MTFR1: variants seen among roughly 807,000 people sequenced by gnomAD.
MTFR1 encodes the protein chondrocyte protein with a poly-proline region.
MTFR1 carries 28 observed loss-of-function variants against 38.8 expected under a neutral mutation model. The observed-to-expected ratio is 0.72, with a 90% CI of 0.53 to 0.99. The LOEUF is 0.99. Among genes scored for constraint, MTFR1 ranks in the 50% least tolerant of loss-of-function variants. The pLI, the probability that MTFR1 is intolerant of heterozygous loss-of-function variation, is 0.00. For synonymous variants in MTFR1, 145 were observed against 137.0 expected (o/e 1.06, Z -0.41); for missense variants, 358 against 395.5 (o/e 0.91, Z 0.81).
chr8:65,768,358 C>A (rs1042900201), intron 3 of MTFR1, among the ~76,000 whole-genome samples: 1 of 151,996 alleles, frequency 6.6e-6, no homozygotes, highest in African/African-American at 2.4e-5. Context: ...GTGGGAGGGA[C>A]CTGGTAGGAG....
chr8:65,756,055 T>C (rs181068722), intron 3 of MTFR1, among the ~76,000 whole-genome samples: 5 of 152,382 alleles, frequency 3.3e-5, no homozygotes, highest in African/African-American at 1.2e-4. Flanking sequence ...GACAGTTTTT[T>C]GTTTTTGTTT....
downstream of MTFR1, among the ~76,000 whole-genome samples, chr8:65,710,978 CAT>C (rs201983025): frequency 5.7e-3 from 847 of 149,856 alleles, 7 homozygotes; most frequent in African/African-American, 0.018. Flanking sequence ...GAGGGACTCT[CAT>C]ATATATATAT....
downstream of MTFR1, among the ~76,000 whole-genome samples, chr8:65,771,905 A>AAAAAG (rs1809104563): frequency 6.9e-6 from 1 of 145,398 alleles, no homozygotes; most frequent in South Asian, 2.1e-4. Flanking sequence ...AAAAAAAAAA[A>AAAAAG]AAGAAGAAGA....
intron 2 of MTFR1, among the ~76,000 whole-genome samples, chr8:65,717,341 G>T (rs1806181342): frequency 6.6e-6 from 1 of 152,202 alleles, no homozygotes; most frequent in Admixed American, 6.5e-5. Context: ...GAGTGGAGTG[G>T]CCTTTTCTTA....
intron 3 of MTFR1, among the ~76,000 whole-genome samples, chr8:65,753,143 C>G (rs1808047758): frequency 6.6e-6 from 1 of 152,140 alleles, no homozygotes; most frequent in African/African-American, 2.4e-5. Context: ...ATTAAGTGCT[C>G]TCCAGTCATT....
At chr8:65,693,589 T>C in intron 3 of MTFR1, 55 bp from the exon 4 acceptor site, 6 of 1,500,584 alleles carry the variant, frequency 4.0e-6, no homozygotes, top group Non-Finnish European at 5.5e-6. Flanking sequence ...GTAAAAAAAA[T>C]TTAACATTTT....
At chr8:65,691,262 T>C (rs1448664733) in intron 3 of MTFR1, among the ~76,000 whole-genome samples, 1 of 152,134 alleles carries the variant, frequency 6.6e-6, no homozygotes, top group East Asian at 1.9e-4. Flanking sequence ...GGTTTATTTG[T>C]TTTTGTTTTT....
intron 3 of MTFR1, among the ~76,000 whole-genome samples, chr8:65,683,737 CAG>C (rs988687510): frequency 6.6e-6 from 1 of 151,412 alleles, no homozygotes; most frequent in Non-Finnish European, 1.5e-5. Context: ...TTTTTGGAGA[CAG>C]AGTCTTGCCC....
intron 2 of MTFR1, among the ~76,000 whole-genome samples, chr8:65,675,913 G>C (rs977068170): frequency 2.6e-5 from 4 of 152,150 alleles, no homozygotes; most frequent in African/African-American, 9.7e-5. Flanking sequence ...TAAATTGCAG[G>C]AAGTGAGAAT....
Position 65,719,632 on chromosome 8 carries a change from T to C in MTFR1, c.*48+151T>C, listed in dbSNP as rs557524238. 7.0e-5 allele frequency: 45 copies of C among 639,364 alleles called. No individual in the cohort carries two copies. In the African/African-American group the frequency reaches 7.7e-4, roughly 11 times the overall value. 39.6% of individuals were successfully genotyped at this position (639,364 alleles called of 1,614,324 possible). A position where few individuals can be genotyped will look rare whatever the true frequency, so the allele number is the denominator to read the frequency against. Reference sequence around the variant, plus strand: ...TTATTCTTCAAAAGATTCCTGTGTATGTGTAGGTGACAGAGTCTGTAATGT... The same window carrying C: ...TTATTCTTCAAAAGATTCCTGTGTACGTGTAGGTGACAGAGTCTGTAATGT... On this transcript the variant is annotated intron_variant, in intron 3 of 3. Transcript: ENST00000521247.
At chr8:65,691,799 G>A (rs1393007804) in intron 3 of MTFR1, among the ~76,000 whole-genome samples, 3 of 152,106 alleles carry the variant, frequency 2.0e-5, no homozygotes, top group Non-Finnish European at 4.4e-5. Flanking sequence ...ACAGGCGCCT[G>A]CCACCACGCC....
intron 2 of MTFR1, among the ~76,000 whole-genome samples, chr8:65,681,142 G>T (rs1804875367): frequency 6.6e-6 from 1 of 151,784 alleles, no homozygotes; most frequent in Non-Finnish European, 1.5e-5. Context: ...TCGATCTCCT[G>T]ACCTCATGAT....
chr8:65,726,908 G>A, intron 3 of MTFR1: 1 of 1,605,662 alleles, frequency 6.2e-7, no homozygotes, highest in East Asian at 2.2e-5. Flanking sequence ...GAATAAGCCT[G>A]ATTCTCTCAA....
chr8:65,689,582 C>T (rs765299592), intron 3 of MTFR1: 17 of 1,274,996 alleles, frequency 1.3e-5, no homozygotes, highest in Non-Finnish European at 4.1e-6. Context: ...TAGGACAGGA[C>T]CTTGCTGGGA....
chr8:65,776,069 A>C (rs1809251698), downstream of MTFR1, among the ~76,000 whole-genome samples: 1 of 152,206 alleles, frequency 6.6e-6, no homozygotes, highest in Non-Finnish European at 1.5e-5. Flanking sequence ...AATCAATGTT[A>C]TTGATTTAGC....
chr8:65,646,894 A>G (rs1249302313), intron 1 of MTFR1, among the ~76,000 whole-genome samples: 1 of 152,196 alleles, frequency 6.6e-6, no homozygotes, highest in African/African-American at 2.4e-5. Flanking sequence ...GTGTTAGATG[A>G]ATAAGGAATG....
At chr8:65,693,845 C>T (rs1394403667) in intron 4 of MTFR1, 86 bp downstream of exon 4, 1 of 943,032 alleles carries the variant, frequency 1.1e-6, no homozygotes, top group Non-Finnish European at 1.7e-6. Flanking sequence ...TTTTAATAGC[C>T]TAATTTTATC....
rs540857181 is a variant in MTFR1, at chr8:65,698,115, G to A, written c.281+4356G>A. ...CTTCTTTTTCCCTAAGAGGTTTATAGTTTTATATTTTACATTTGAGTCCAT... is the reference window on the plus strand; with the variant it reads ...CTTCTTTTTCCCTAAGAGGTTTATAATTTTATATTTTACATTTGAGTCCAT... On this transcript the variant is annotated intron_variant, in intron 4 of 7. Coordinates refer to ENST00000262146, the MANE Select transcript of MTFR1 (RefSeq NM_014637.4). Among the ~76,000 whole-genome samples, 9 of 140,578 alleles carry A rather than the reference G, an allele frequency of 6.4e-5. 1 individual carries two copies. The South Asian group carries it at 1.9e-3, about 30-fold the overall frequency. The allele number at this position is 140,578 out of a possible 152,430, so 92.2% of individuals were successfully genotyped here.
intron 3 of MTFR1, among the ~76,000 whole-genome samples, chr8:65,752,882 T>C (rs1223967642): frequency 1.3e-5 from 2 of 152,230 alleles, no homozygotes; most frequent in African/African-American, 4.8e-5. Context: ...TAACCATTAC[T>C]GTGTTCAGTA....
Sources: gnomAD v4.1 joint callset for allele counts (sites outside exome capture counted in the v4.1 genomes callset) on GRCh38, gnomAD v4.1.1 for gene constraint, MANE v1.5 for transcripts, NCBI Gene and HGNC (gene_info 2026-07-23, HGNC 2026-07-21) for gene names.